FAT4: variants seen among roughly 807,000 people sequenced by gnomAD.
FAT4 encodes protocadherin Fat 4.
A neutral mutation model predicts 303.9 loss-of-function variants in FAT4; 84 were observed. The observed-to-expected ratio is 0.28, with a 90% CI of 0.23 to 0.33. FAT4 has a LOEUF of 0.33. Among genes scored for constraint, FAT4 ranks in the 10% least tolerant of loss-of-function variants. The pLI is 1.00. For missense variants in FAT4, 6,005 were observed against 6,146.8 expected, an observed-to-expected ratio of 0.98 and a Z score of 0.77; for synonymous variants, 2,307 against 2,298.8, an observed-to-expected ratio of 1.00 and a Z score of -0.10.
chr4:125,411,685 G>C (rs920266720), intron 5 of FAT4, among the ~76,000 whole-genome samples: 28 of 149,412 alleles, frequency 1.9e-4, no homozygotes, highest in Non-Finnish European at 3.0e-4. Context: ...ATATTTTATA[G>C]CATGAAACTA....
At chr4:125,401,755 G>GT (rs1734397459) in intron 3 of FAT4, among the ~76,000 whole-genome samples, 1 of 143,912 alleles carries the variant, frequency 6.9e-6, no homozygotes, top group South Asian at 2.2e-4. Context: ...AATTATGCTA[G>GT]TAATGGGCTA....
intron 2 of FAT4, among the ~76,000 whole-genome samples, chr4:125,369,989 T>C (rs997179139): frequency 5.9e-5 from 9 of 152,170 alleles, no homozygotes; most frequent in Admixed American, 5.9e-4. Context: ...TTCCATTGTA[T>C]GTATATACTA....
In FAT4 at chr4:125,316,351, A is replaced by C; in HGVS notation, c.-12-49A>C. On this transcript the variant is annotated intron_variant, in intron 1 of 17. Coordinates refer to ENST00000394329, the MANE Select transcript of FAT4 (RefSeq NM_001291303.3). This position sits in a 1 kb window ranked among gnomAD's most constrained non-coding sequence, Gnocchi z 5.7. Reference sequence around the variant, plus strand: ...CTGGCGCTCCTTAATCCCTGTAAATATCATTGCGTTTGCTTCACCCCTTCC... The same window carrying C: ...CTGGCGCTCCTTAATCCCTGTAAATCTCATTGCGTTTGCTTCACCCCTTCC... 6.5e-7 allele frequency: 1 copy of C among 1,531,608 alleles called. No homozygotes were observed. Among genetic ancestry groups the C allele is most frequent in the East Asian group, 2.3e-5 (1 of 44,110 alleles). The allele number at this position is 1,531,608 out of a possible 1,614,324, so 94.9% of individuals were successfully genotyped here.
At chr4:125,394,203 A>G (rs1439963351) in intron 2 of FAT4, among the ~76,000 whole-genome samples, 1 of 152,176 alleles carries the variant, frequency 6.6e-6, no homozygotes, top group African/African-American at 2.4e-5. Context: ...CAGAATTGAT[A>G]CCTTAAGTTG....
chr4:125,453,384 G>A (rs1008809600), intron 10 of FAT4, among the ~76,000 whole-genome samples: 4 of 152,076 alleles, frequency 2.6e-5, no homozygotes, highest in Non-Finnish European at 4.4e-5. Context: ...TGAGAAGAGC[G>A]AGAATCATGT....
chr4:125,336,237 G>A (rs558716455), intron 2 of FAT4, among the ~76,000 whole-genome samples: 14 of 152,080 alleles, frequency 9.2e-5, no homozygotes, highest in South Asian at 2.1e-4. Context: ...CTAGTGAGCC[G>A]CAAGACATAA....
At chr4:125,360,481 C>T (rs1259881502) in intron 2 of FAT4, among the ~76,000 whole-genome samples, 1 of 152,108 alleles carries the variant, frequency 6.6e-6, no homozygotes, top group African/African-American at 2.4e-5. Flanking sequence ...CTTATTATTG[C>T]TCCCTCGGTA....
chr4:125,317,514 A>G lies in FAT4; in HGVS notation c.1103A>G (p.Asp368Gly). The G allele has an allele frequency of 1.2e-6, 2 of 1,613,846 alleles. No individual in the cohort carries two copies. Among genetic ancestry groups the G allele is most frequent in the Non-Finnish European group, 1.7e-6 (2 of 1,180,030 alleles). The change falls in exon 2 of 18, where the codon GAT becomes GGT. Residue 368 changes from aspartate (D) to glycine (G), a missense_variant. Transcript: ENST00000394329. The surrounding 1 kb of genome is among the most constrained non-coding windows in gnomAD (Gnocchi z 7.0). ...GCCACCTCGCGCTACGCCTCGGTAG[A>G]TGAGAATGCTCAAGTGGGCACCGTG... ...FPATSRYASV[D>G]ENAQVGTVVA... is the part of the protein sequence containing the mutation.
chr4:125,315,072 G>GTGTGTA lies in FAT4; in HGVS notation c.-912_-907dup, dbSNP rs1202461665. On this transcript the variant is annotated 5_prime_UTR_variant, in exon 1 of 18. In the 5' UTR this introduces an upstream ATG that the reference lacks. Transcript: ENST00000394329. ...CGACGCGCTGTGTGTGTGTGTGTGCGTGTGTATGTGTGTGTGTGTGCATGC... is the reference window on the plus strand; with the variant it reads ...CGACGCGCTGTGTGTGTGTGTGTGCGTGTGTATGTGTATGTGTGTGTGTGTGCATGC... Among the ~76,000 whole-genome samples, 2 of 152,050 alleles carry GTGTGTA rather than the reference G, an allele frequency of 1.3e-5. No individual in the cohort carries two copies. The highest frequency in any genetic ancestry group is 3.4e-3 in the Middle Eastern group (1 of 294).
At chr4:125,384,644 G>T (rs1303107546) in intron 2 of FAT4, among the ~76,000 whole-genome samples, 1 of 151,990 alleles carries the variant, frequency 6.6e-6, no homozygotes, top group African/African-American at 2.4e-5. Context: ...AGCAAAAAAG[G>T]TTTAAATTGT....
At chr4:125,357,119 A>G (rs192744924) in intron 2 of FAT4, among the ~76,000 whole-genome samples, 16 of 152,230 alleles carry the variant, frequency 1.1e-4, no homozygotes, top group Admixed American at 6.6e-4. Flanking sequence ...GTATAAAACA[A>G]TATTCACATG....
At chr4:125,340,485 G>A (rs1348569443) in intron 2 of FAT4, among the ~76,000 whole-genome samples, 2 of 152,018 alleles carry the variant, frequency 1.3e-5, no homozygotes, top group Non-Finnish European at 2.9e-5. Context: ...CCGGGTTCAC[G>A]CCATTCTCCT....
At chr4:125,368,044 A>G (rs2125989628) in intron 2 of FAT4, among the ~76,000 whole-genome samples, 1 of 152,242 alleles carries the variant, frequency 6.6e-6, no homozygotes, top group South Asian at 2.1e-4. Flanking sequence ...CTAAATAGGC[A>G]ATTTAGTATT....
At chr4:125,422,359 T>A (rs1724932775) in intron 7 of FAT4, among the ~76,000 whole-genome samples, 1 of 152,158 alleles carries the variant, frequency 6.6e-6, no homozygotes, top group African/African-American at 2.4e-5. Flanking sequence ...GTCCACCAAA[T>A]CGCATCTTGA....
Position 125,317,181 on chromosome 4 carries a change from C to A in FAT4, c.770C>A (p.Ala257Glu), listed in dbSNP as rs1434222224. The change falls in exon 2 of 18, where the codon GCG (alanine) becomes GAG (glutamate). Residue 257 changes from alanine to glutamate, a missense_variant. By Grantham distance (107) the Ala-to-Glu change is moderately radical. Coordinates refer to ENST00000394329, the MANE Select transcript of FAT4 (RefSeq NM_001291303.3). This position sits in a 1 kb window ranked among gnomAD's most constrained non-coding sequence, Gnocchi z 7.0. ...GTTTTTGGCAGTTCTCACTACCAGG[C>A]GGGGGTGCCTGAGGACGCGGTTGTG... Reference protein sequence around the residue: ...PPVFGSSHYQAGVPEDAVVGS... With the variant: ...PPVFGSSHYQEGVPEDAVVGS... 2.5e-6 allele frequency: 4 copies of A among 1,598,782 alleles called. No homozygotes were observed. Among genetic ancestry groups the A allele is most frequent in the Non-Finnish European group, 3.4e-6 (4 of 1,169,800 alleles).
chr4:125,357,071 T>C (rs1052590219), intron 2 of FAT4, among the ~76,000 whole-genome samples: 6 of 152,020 alleles, frequency 3.9e-5, no homozygotes, highest in Non-Finnish European at 8.8e-5. Context: ...TAATGCTGAA[T>C]GAATAAAAGT....
intron 2 of FAT4, among the ~76,000 whole-genome samples, chr4:125,355,023 G>C (rs1732373188): frequency 6.6e-6 from 1 of 151,738 alleles, no homozygotes; most frequent in South Asian, 2.1e-4. Context: ...CATGAATATA[G>C]AGAAATTTAG....
chr4:125,481,245 C>T (rs745513713), intron 15 of FAT4, among the ~76,000 whole-genome samples: 3 of 152,090 alleles, frequency 2.0e-5, no homozygotes, highest in East Asian at 1.9e-4. Flanking sequence ...TCATAATTTA[C>T]GTAATGTGGC....
chr4:125,380,722 G>A (rs1733505644), intron 2 of FAT4, among the ~76,000 whole-genome samples: 1 of 152,098 alleles, frequency 6.6e-6, no homozygotes, highest in South Asian at 2.1e-4. Flanking sequence ...AATCTAGACA[G>A]GAGAACTGTA....
Sources: gnomAD v4.1 joint callset for allele counts (sites outside exome capture counted in the v4.1 genomes callset) on GRCh38, gnomAD v4.1.1 for gene constraint, Gnocchi (gnomAD v3.1) non-coding constraint, MANE v1.5 for transcripts, NCBI Gene and HGNC (gene_info 2026-07-23, HGNC 2026-07-21) for gene names.